The following UBXN2B variants were observed in gnomAD, a reference collection of about 807,000 sequenced individuals.
The protein encoded by UBXN2B is UBX domain-containing protein 2B.
Under a neutral mutation model 37.5 loss-of-function variants are expected in UBXN2B, and 19 were observed. The observed-to-expected ratio is 0.51, with a 90% CI of 0.35 to 0.74. The LOEUF (loss-of-function observed/expected upper bound fraction) is 0.74, where lower values mean the gene tolerates loss of function less well. UBXN2B is among the 30% of genes least tolerant of loss of function. The pLI, the probability that UBXN2B is intolerant of heterozygous loss-of-function variation, is 0.01. For missense variants in UBXN2B, 370 were observed against 393.2 expected (o/e 0.94, Z 0.50); for synonymous variants, 145 against 143.8 (o/e 1.01, Z -0.06).
intron 3 of UBXN2B, among the ~76,000 whole-genome samples, chr8:58,432,536 CCA>C (rs1244287220): frequency 1.3e-5 from 2 of 151,878 alleles, no homozygotes; most frequent in Non-Finnish European, 2.9e-5. Flanking sequence ...GCACCCGCCA[CCA>C]CACCCAGCTA....
At chr8:58,437,724 G>A (rs1808450035) in intron 5 of UBXN2B, among the ~76,000 whole-genome samples, 1 of 152,104 alleles carries the variant, frequency 6.6e-6, no homozygotes. Flanking sequence ...ATTTAAAGTT[G>A]GAACTCATAT....
rs1042817207 is a variant in UBXN2B, at chr8:58,449,798, G to T, written c.*2247G>T. On this transcript the variant is annotated 3_prime_UTR_variant, in exon 8 of 8. Transcript: ENST00000399598. ...TCACAAAAGGTAGCACACGTTTGCAGCTGAGTATCAACTTATCAGTTTGTT... is the reference window on the plus strand; with the variant it reads ...TCACAAAAGGTAGCACACGTTTGCATCTGAGTATCAACTTATCAGTTTGTT... 1.3e-5 allele frequency: 2 copies of T among 152,184 alleles called. No homozygotes were observed. Among genetic ancestry groups the T allele is most frequent in the African/African-American group, 4.8e-5 (2 of 41,444 alleles). 9.4% of individuals were successfully genotyped at this position (152,184 alleles called of 1,614,324 possible).
chr8:58,440,997 CTTT>C (rs201097674), intron 6 of UBXN2B, among the ~76,000 whole-genome samples: 1 of 143,622 alleles, frequency 7.0e-6, no homozygotes. Flanking sequence ...CTTTCTTTCT[CTTT>C]TTTTTTTTTT....
At chr8:58,418,148 C>T (rs1312605521) in intron 2 of UBXN2B, among the ~76,000 whole-genome samples, 1 of 144,204 alleles carries the variant, frequency 6.9e-6, no homozygotes, top group Non-Finnish European at 1.5e-5. Flanking sequence ...GGCTGAGGCA[C>T]AAGAATCGCC....
intron 2 of UBXN2B, chr8:58,426,328 T>C: frequency 2.1e-6 from 1 of 484,572 alleles, no homozygotes; most frequent in South Asian, 2.1e-5. Context: ...TGCCTCAGCC[T>C]CCTGAGTAGC....
intron 7 of UBXN2B, 128 bp from the exon 8 acceptor site, chr8:58,447,261 T>G (rs1231653966): frequency 1.2e-6 from 1 of 818,652 alleles, no homozygotes; most frequent in East Asian, 2.7e-5. Context: ...AAATACTATA[T>G]ATTAAAGAAA....
At chr8:58,426,490 G>C in intron 2 of UBXN2B, 1 of 709,058 alleles carries the variant, frequency 1.4e-6, no homozygotes, top group East Asian at 2.7e-5. Flanking sequence ...TTACAGGTGT[G>C]AACCACCGTG....
Position 58,434,510 on chromosome 8 carries a change from A to T in UBXN2B, c.533+6A>T. The stretch of plus-strand genomic sequence containing the variant: ...CTGGAGTCTGTTAAGAGAGGGTAAG[A>T]TGTATTATTTGTATTCTATTTGTTA... On this transcript the variant is annotated splice_donor_region_variant and intron_variant, in intron 5 of 7. Transcript: ENST00000399598. The T allele has an allele frequency of 4.6e-6, 7 of 1,524,038 alleles. No individual in the cohort carries two copies. The highest frequency in any genetic ancestry group is 6.2e-6 in the Non-Finnish European group (7 of 1,133,686). The allele number at this position is 1,524,038 out of a possible 1,614,324, so 94.4% of individuals were successfully genotyped here.
rs1283901187 is a variant in UBXN2B, at chr8:58,431,184, T to C, written c.339+515T>C. ...GGTTTTCATCTCTATAATTTTATCA[T>C]GTTAAGAGTGTTAAACCAGCCGGGT... is the stretch of plus-strand genomic sequence containing the variant. On this transcript the variant is annotated intron_variant, in intron 3 of 7. Transcript: ENST00000399598. 7.9e-5 allele frequency among the ~76,000 whole-genome samples: 12 copies of C among 152,300 alleles called. No homozygotes were observed. In the East Asian group the frequency reaches 2.3e-3, roughly 29 times the overall value.
At chr8:58,437,531 G>A (rs1808445570) in intron 5 of UBXN2B, among the ~76,000 whole-genome samples, 1 of 151,756 alleles carries the variant, frequency 6.6e-6, no homozygotes, top group Non-Finnish European at 1.5e-5. Context: ...CACCATCTTG[G>A]CCAGGCTGAT....
rs1476556176 is a variant in UBXN2B, at chr8:58,449,630, CAGAT to C, written c.*2080_*2083del. 1 of 152,162 alleles carries C rather than the reference CAGAT, an allele frequency of 6.6e-6. No homozygotes were observed. Among genetic ancestry groups the C allele is most frequent in the Non-Finnish European group, 1.5e-5 (1 of 68,028 alleles). The allele number at this position is 152,162 out of a possible 1,614,324, so 9.4% of individuals were successfully genotyped here. Reference sequence around the variant, plus strand: ...CACGTTCCTGTTCAAAAAGCAGAAACAGATGGAAAAAGGAGCCATCAGCACCAAT... The same window carrying C: ...CACGTTCCTGTTCAAAAAGCAGAAACGGAAAAAGGAGCCATCAGCACCAAT... On this transcript the variant is annotated 3_prime_UTR_variant, in exon 8 of 8. Transcript: ENST00000399598.
intron 6 of UBXN2B, among the ~76,000 whole-genome samples, chr8:58,441,407 T>C (rs1423585196): frequency 1.4e-5 from 2 of 145,070 alleles, no homozygotes; most frequent in Non-Finnish European, 3.0e-5. Flanking sequence ...ATATATAGTA[T>C]GTATGTATGT....
At position 58,449,216 on chromosome 8, in the gene UBXN2B, CTT is replaced by C. The variant is rs1002168737; in HGVS notation, c.*1668_*1669del. 5.3e-5 allele frequency: 8 copies of C among 152,168 alleles called. No homozygotes were observed. Among genetic ancestry groups the C allele is most frequent in the Admixed American group, 5.2e-4 (8 of 15,268 alleles). The allele number at this position is 152,168 out of a possible 1,614,324, so 9.4% of individuals were successfully genotyped here. A position where few individuals can be genotyped will look rare whatever the true frequency, so the allele number is the denominator to read the frequency against. On this transcript the variant is annotated 3_prime_UTR_variant, in exon 8 of 8. Coordinates refer to ENST00000399598, the MANE Select transcript of UBXN2B (RefSeq NM_001077619.2). ...AACCTTAATTACATCTGCAAAATCT[CTT>C]TTACCATCTAAGGTTACATACAGGT...
intron 5 of UBXN2B, chr8:58,435,016 A>G: frequency 1.1e-5 from 16 of 1,502,782 alleles, no homozygotes; most frequent in Non-Finnish European, 1.4e-5. Flanking sequence ...TCCAAAGAAC[A>G]TTGTAACTTA....
intron 3 of UBXN2B, 77 bp downstream of exon 3, chr8:58,430,746 A>G (rs1808251145): frequency 2.6e-6 from 3 of 1,135,794 alleles, no homozygotes; most frequent in South Asian, 3.8e-5. Context: ...ATTTGCAAAC[A>G]TTGTTTTTCT....
chr8:58,423,475 G>A (rs1197592755), intron 2 of UBXN2B, among the ~76,000 whole-genome samples: 7 of 149,424 alleles, frequency 4.7e-5, no homozygotes, highest in East Asian at 4.0e-4. Context: ...TTGCACTGTC[G>A]CCCAGGCTGG....
chr8:58,432,529 C>G (rs572532113), intron 3 of UBXN2B, among the ~76,000 whole-genome samples: 130 of 151,854 alleles, frequency 8.6e-4, no homozygotes, highest in Non-Finnish European at 1.3e-3. Flanking sequence ...ACTACAGGCA[C>G]CCGCCACCAC....
chr8:58,424,708 C>G (rs1808031716), intron 2 of UBXN2B: 13 of 1,340,900 alleles, frequency 9.7e-6, no homozygotes, highest in Admixed American at 1.7e-5. Context: ...GCTCTGATCT[C>G]CACTCGTCTG....
At chr8:58,422,209 G>A (rs533301979) in intron 2 of UBXN2B, among the ~76,000 whole-genome samples, 8 of 152,270 alleles carry the variant, frequency 5.3e-5, no homozygotes, top group African/African-American at 1.7e-4. Flanking sequence ...GGCCACACCC[G>A]TGTTCTGAAG....
Sources: gnomAD v4.1 joint callset for allele counts (sites outside exome capture counted in the v4.1 genomes callset) on GRCh38, gnomAD v4.1.1 for gene constraint, MANE v1.5 for transcripts, NCBI Gene and HGNC (gene_info 2026-07-23, HGNC 2026-07-21) for gene names.